The following GSTCD variants were observed in gnomAD, a reference collection of about 807,000 sequenced individuals.
GSTCD encodes glutathione S-transferase C-terminal domain-containing protein.
Under a neutral mutation model 68.3 loss-of-function variants are expected in GSTCD, and 44 were observed. That is an observed-to-expected ratio of 0.64 (90% confidence interval 0.51 to 0.83). The LOEUF is 0.83. Among genes scored for constraint, GSTCD ranks in the 40% least tolerant of loss-of-function variants. The probability of loss-of-function intolerance (pLI) is 0.00; values close to 1 mark genes in which losing one functional copy is unlikely to be tolerated. For missense variants in GSTCD, 739 were observed against 735.9 expected (o/e 1.00, Z -0.05); for synonymous variants, 273 against 255.2 (o/e 1.07, Z -0.67).
chr4:105,831,356 A>C (rs751826249), intron 8 of GSTCD, among the ~76,000 whole-genome samples: 1 of 152,118 alleles, frequency 6.6e-6, no homozygotes, highest in Admixed American at 6.5e-5. Flanking sequence ...AGGAAGAGTG[A>C]CCTAGCAAGT....
chr4:105,809,432 T>C (rs985258997), intron 5 of GSTCD, among the ~76,000 whole-genome samples: 1 of 152,116 alleles, frequency 6.6e-6, no homozygotes, highest in Non-Finnish European at 1.5e-5. Context: ...CCATACACCT[T>C]ACTCTCTCAC....
intron 5 of GSTCD, among the ~76,000 whole-genome samples, chr4:105,790,449 G>A (rs1202922732): frequency 6.6e-6 from 1 of 152,062 alleles, no homozygotes; most frequent in Non-Finnish European, 1.5e-5. Context: ...GACCACCCTA[G>A]GCAACATAGT....
chr4:105,824,685 CA>C lies in GSTCD; in HGVS notation c.1402-986del, dbSNP rs202217753. On this transcript the variant is annotated intron_variant, in intron 7 of 11. Coordinates refer to ENST00000515279, the MANE Select transcript of GSTCD (RefSeq NM_001370181.1). ...TGGCCTTGTTGCCACCAATCCATAC[CA>C]TACATTACAGACTACTAAAACTTCT... Among the ~76,000 whole-genome samples, 601 of 152,272 alleles carry C rather than the reference CA, an allele frequency of 3.9e-3. 1 individual carries two copies. Among genetic ancestry groups the C allele is most frequent in the Admixed American group, 4.5e-3 (69 of 15,298 alleles).
At chr4:105,826,369 G>A (rs1205704602) in intron 8 of GSTCD, among the ~76,000 whole-genome samples, 1 of 151,462 alleles carries the variant, frequency 6.6e-6, no homozygotes, top group Admixed American at 6.6e-5. Context: ...TAAACCCCAG[G>A]GTTTTATTAT....
At chr4:105,764,508 C>CA (rs1471357424) in intron 5 of GSTCD, among the ~76,000 whole-genome samples, 2 of 152,074 alleles carry the variant, frequency 1.3e-5, no homozygotes, top group Non-Finnish European at 1.5e-5. Flanking sequence ...GCTAGAAGTC[C>CA]ATGATCAGGG....
chr4:105,802,309 G>T (rs2149262314), intron 5 of GSTCD, among the ~76,000 whole-genome samples: 1 of 152,094 alleles, frequency 6.6e-6, no homozygotes, highest in Admixed American at 6.6e-5. Flanking sequence ...CCATTATGTG[G>T]CATATAATAC....
At chr4:105,762,483 G>A (rs995559345) in intron 5 of GSTCD, among the ~76,000 whole-genome samples, 4 of 152,166 alleles carry the variant, frequency 2.6e-5, no homozygotes, top group East Asian at 3.8e-4. Flanking sequence ...ATGCAGTTTT[G>A]TACCTGACCT....
In GSTCD at chr4:105,774,634, C is replaced by G. The variant is rs571772029; in HGVS notation, c.1240+45135C>G. On this transcript the variant is annotated intron_variant, in intron 5 of 11. Coordinates refer to ENST00000515279, the MANE Select transcript of GSTCD (RefSeq NM_001370181.1). Reference sequence around the variant, plus strand: ...AAGCTTAGTTTGGCTGGATATGAAACTCTGGGTTGAAAATTCTTTTCTTTA... The same window carrying G: ...AAGCTTAGTTTGGCTGGATATGAAAGTCTGGGTTGAAAATTCTTTTCTTTA... Among the ~76,000 whole-genome samples, 7 of 152,204 alleles carry G rather than the reference C, an allele frequency of 4.6e-5. No homozygotes were observed. In the East Asian group the frequency reaches 1.4e-3, roughly 29 times the overall value.
At chr4:105,751,430 G>C (rs1734006588) in intron 5 of GSTCD, among the ~76,000 whole-genome samples, 1 of 152,050 alleles carries the variant, frequency 6.6e-6, no homozygotes, top group South Asian at 2.1e-4. Context: ...AAAGACATCT[G>C]AATATATTTT....
rs955729633 is a variant in GSTCD at position 105,750,448 on chromosome 4, G to A, written c.1240+20949G>A. On this transcript the variant is annotated intron_variant, in intron 5 of 11. Transcript: ENST00000515279. ...GCACTCCAGTCTGGGCAACCAGAGCGAAACTCCGTCTCAAAAAAAAAAAAA... is the reference window on the plus strand; with the variant it reads ...GCACTCCAGTCTGGGCAACCAGAGCAAAACTCCGTCTCAAAAAAAAAAAAA... 3.0e-4 allele frequency among the ~76,000 whole-genome samples: 35 copies of A among 118,506 alleles called. 1 individual carries two copies. Among genetic ancestry groups the A allele is most frequent in the African/African-American group, 1.1e-3 (32 of 30,094 alleles). The allele number at this position is 118,506 out of a possible 152,430, so 77.7% of individuals were successfully genotyped here. A position where few individuals can be genotyped will look rare whatever the true frequency, so the allele number is the denominator to read the frequency against.
chr4:105,727,559 T>A (rs1733083407), intron 4 of GSTCD, among the ~76,000 whole-genome samples: 1 of 151,808 alleles, frequency 6.6e-6, no homozygotes, highest in Non-Finnish European at 1.5e-5. Flanking sequence ...AAGATTAATA[T>A]CTCAATTTAC....
chr4:105,820,060 C>T (rs1234951027), intron 5 of GSTCD, among the ~76,000 whole-genome samples: 1 of 151,672 alleles, frequency 6.6e-6, no homozygotes, highest in East Asian at 1.9e-4. Context: ...AAATTAAGAG[C>T]TGCCTGATTT....
At chr4:105,749,122 T>C (rs999701532) in intron 5 of GSTCD, among the ~76,000 whole-genome samples, 4 of 152,020 alleles carry the variant, frequency 2.6e-5, no homozygotes. Context: ...GAAAGGTATC[T>C]TTATTTTTCA....
At chr4:105,837,718 C>A in intron 9 of GSTCD, 141 bp from the exon 10 acceptor site, 1 of 465,814 alleles carries the variant, frequency 2.1e-6, no homozygotes, top group South Asian at 3.2e-5. Context: ...AAAAGCATTT[C>A]AAACTGGCAT....
At chr4:105,843,778 C>T (rs1724446214) in intron 11 of GSTCD, among the ~76,000 whole-genome samples, 1 of 151,894 alleles carries the variant, frequency 6.6e-6, no homozygotes, top group Non-Finnish European at 1.5e-5. Context: ...CTGGAGGACA[C>T]ATTCAAATGA....
intron 5 of GSTCD, among the ~76,000 whole-genome samples, chr4:105,745,616 T>G (rs11722731): frequency 0.77 from 116,396 of 152,114 alleles, 45,778 homozygotes; most frequent in East Asian, 0.9. Context: ...GAGGGTTATG[T>G]TCTTTTGCCT....
At chr4:105,718,771 A>C (rs1330823498) in intron 2 of GSTCD, among the ~76,000 whole-genome samples, 1 of 152,176 alleles carries the variant, frequency 6.6e-6, no homozygotes, top group Non-Finnish European at 1.5e-5. Flanking sequence ...AATGCTTTGG[A>C]AGCCCTGCTT....
At chr4:105,723,041 A>C (rs1009853310) in intron 3 of GSTCD, among the ~76,000 whole-genome samples, 2 of 151,960 alleles carry the variant, frequency 1.3e-5, no homozygotes, top group African/African-American at 4.8e-5. Context: ...TCTTGTAAAC[A>C]TGAATTATTG....
chr4:105,731,856 A>T (rs889109171), intron 5 of GSTCD, among the ~76,000 whole-genome samples: 3 of 152,220 alleles, frequency 2.0e-5, no homozygotes, highest in Non-Finnish European at 4.4e-5. Flanking sequence ...TATTATTTTG[A>T]GAAACATCCC....
Sources: allele counts gnomAD v4.1 joint callset (sites outside exome capture counted in the v4.1 genomes callset), GRCh38; gene constraint gnomAD v4.1.1; transcripts MANE v1.5; gene names NCBI Gene and HGNC (gene_info 2026-07-23, HGNC 2026-07-21).